ABCB5: variants seen among roughly 807,000 people sequenced by gnomAD.
ABCB5 encodes the protein ATP binding cassette subfamily B member 5, also known as ATP-binding cassette sub-family B member 5.
In ABCB5, 155 loss-of-function variants were observed where a neutral mutation model predicts 144.2. That is an observed-to-expected ratio of 1.08 (90% confidence interval 0.94 to 1.23). The LOEUF (loss-of-function observed/expected upper bound fraction) is 1.23, where lower values mean the gene tolerates loss of function less well. ABCB5 is among the 50% of genes most tolerant of loss of function. ABCB5 has a pLI of 0.00. For missense variants in ABCB5, 1,830 were observed against 1,520.8 expected (o/e 1.20, Z -3.38); for synonymous variants, 610 against 528.6 (o/e 1.15, Z -2.11).
intron 20 of ABCB5, among the ~76,000 whole-genome samples, chr7:20,713,395 C>T (rs1451044588): frequency 6.7e-6 from 1 of 149,000 alleles, no homozygotes; most frequent in African/African-American, 2.5e-5. Context: ...TGGTACCACA[C>T]TCAGCTAATT....
chr7:20,651,226 C>G (rs1784571965), intron 12 of ABCB5, among the ~76,000 whole-genome samples, 194 bp from the exon 13 acceptor site: 1 of 152,098 alleles, frequency 6.6e-6, no homozygotes, highest in Non-Finnish European at 1.5e-5. Context: ...TATTCTTTTG[C>G]AGTTTTGTTG....
intron 20 of ABCB5, among the ~76,000 whole-genome samples, chr7:20,713,276 C>A (rs1015473564): frequency 6.7e-6 from 1 of 148,906 alleles, no homozygotes; most frequent in African/African-American, 2.5e-5. Flanking sequence ...TTTTGTTACC[C>A]AGGCTCAAGT....
At chr7:20,660,169 A>C (rs1784957401) in intron 14 of ABCB5, 2 of 981,118 alleles carry the variant, frequency 2.0e-6, no homozygotes, top group African/African-American at 3.5e-5. Flanking sequence ...TTATTGGTTA[A>C]TATGAAACAT....
chr7:20,726,158 G>A (rs947274502), intron 21 of ABCB5, among the ~76,000 whole-genome samples: 2 of 152,120 alleles, frequency 1.3e-5, no homozygotes, highest in African/African-American at 4.8e-5. Context: ...CTATATAAAT[G>A]TGGAGAAGTA....
chr7:20,652,324 G>T (rs2285554), intron 13 of ABCB5, among the ~76,000 whole-genome samples: 54,794 of 151,976 alleles, frequency 0.36, 10,690 homozygotes, highest in African/African-American at 0.51. Context: ...TCCCAGCACT[G>T]TGGGAGGCCG....
chr7:20,672,982 T>C (rs1391685367), intron 14 of ABCB5, among the ~76,000 whole-genome samples: 1 of 152,170 alleles, frequency 6.6e-6, no homozygotes, highest in Non-Finnish European at 1.5e-5. Flanking sequence ...TCTTTTTCTT[T>C]TGAGTTTAAC....
rs529671197 is a variant in ABCB5, at chr7:20,713,890, C to A, written c.2421+9083C>A. Among the ~76,000 whole-genome samples the A allele has an allele frequency of 1.7e-4, 22 of 130,444 alleles. 2 individuals are homozygous for A. The highest frequency in any genetic ancestry group is 1.4e-3 in the Admixed American group (19 of 13,578). The allele number at this position is 130,444 out of a possible 152,430, so 85.6% of individuals were successfully genotyped here. ...GATTTATCATTCTGTGAATCTCTCTCTTCTCTAGTATTCTATGCTGCAAAC... is the reference window on the plus strand; with the variant it reads ...GATTTATCATTCTGTGAATCTCTCTATTCTCTAGTATTCTATGCTGCAAAC... On this transcript the variant is annotated intron_variant, in intron 20 of 27. Coordinates refer to ENST00000404938, the MANE Select transcript of ABCB5 (RefSeq NM_001163941.2).
intron 23 of ABCB5, among the ~76,000 whole-genome samples, chr7:20,733,229 CAT>C (rs1782279190): frequency 1.3e-5 from 2 of 151,920 alleles, no homozygotes; most frequent in African/African-American, 4.8e-5. Flanking sequence ...GCCAAACATT[CAT>C]AGAATATTTC....
At chr7:20,643,731 T>C (rs1373988370) in intron 7 of ABCB5, 99 bp downstream of exon 7, 2 of 1,289,888 alleles carry the variant, frequency 1.6e-6, no homozygotes, top group Non-Finnish European at 2.2e-6. Flanking sequence ...TCACTTGCCA[T>C]GTCCCAAACT....
intron 19 of ABCB5, among the ~76,000 whole-genome samples, chr7:20,702,851 T>G (rs1786679730): frequency 2.1e-5 from 2 of 94,300 alleles, no homozygotes; most frequent in Non-Finnish European, 4.5e-5. Context: ...TTTTTTTTTG[T>G]ATTTTTAGTG....
At chr7:20,680,677 G>A (rs1406953418) in intron 14 of ABCB5, among the ~76,000 whole-genome samples, 2 of 151,838 alleles carry the variant, frequency 1.3e-5, no homozygotes, top group South Asian at 2.1e-4. Context: ...GGCAAATTCC[G>A]TTTGAAATGC....
chr7:20,668,590 TGGGG>T (rs560542131), intron 14 of ABCB5, among the ~76,000 whole-genome samples: 11 of 110,820 alleles, frequency 9.9e-5, no homozygotes, highest in African/African-American at 3.3e-4. Flanking sequence ...GGGAGGGAGG[TGGGG>T]GGGGGGGTCA....
chr7:20,751,337 T>C (rs948669632), intron 26 of ABCB5, among the ~76,000 whole-genome samples: 4 of 152,074 alleles, frequency 2.6e-5, no homozygotes, highest in Non-Finnish European at 5.9e-5. Flanking sequence ...CCAGGCGTGG[T>C]GGCGGGCGCC....
At chr7:20,621,345 C>T (rs1416749143) in intron 1 of ABCB5, among the ~76,000 whole-genome samples, 4 of 151,920 alleles carry the variant, frequency 2.6e-5, no homozygotes, top group Non-Finnish European at 5.9e-5. Flanking sequence ...GCACTTAATC[C>T]CACTGAATTG....
At chr7:20,711,174 TC>T (rs1322178172) in intron 20 of ABCB5, among the ~76,000 whole-genome samples, 1 of 149,800 alleles carries the variant, frequency 6.7e-6, no homozygotes, top group African/African-American at 2.5e-5. Flanking sequence ...TTAACAATCA[TC>T]TTTTATTAAA....
chr7:20,730,307 C>T (rs554290273), intron 23 of ABCB5, among the ~76,000 whole-genome samples: 4 of 152,238 alleles, frequency 2.6e-5, no homozygotes, highest in Admixed American at 6.5e-5. Flanking sequence ...GTCAGGATTT[C>T]GAGACCAGCC....
intron 14 of ABCB5, chr7:20,667,313 A>G: frequency 1.0e-6 from 1 of 984,848 alleles, no homozygotes; most frequent in Non-Finnish European, 1.2e-6. Flanking sequence ...GAGAAGAGAT[A>G]TATATTAAAA....
intron 20 of ABCB5, among the ~76,000 whole-genome samples, chr7:20,714,259 C>T (rs1781594161): frequency 6.6e-6 from 1 of 151,976 alleles, no homozygotes; most frequent in South Asian, 2.1e-4. Context: ...AAGTGATATC[C>T]CCCACATCTA....
chr7:20,708,503 G>GA (rs943970669), intron 20 of ABCB5, among the ~76,000 whole-genome samples: 9 of 151,742 alleles, frequency 5.9e-5, no homozygotes, highest in Non-Finnish European at 1.0e-4. Flanking sequence ...GATCTTGTCT[G>GA]AAAAAAAATT....
Sources: allele counts gnomAD v4.1 joint callset (sites outside exome capture counted in the v4.1 genomes callset), GRCh38; gene constraint gnomAD v4.1.1; transcripts MANE v1.5; gene names NCBI Gene and HGNC (gene_info 2026-07-23, HGNC 2026-07-21).